Variants in SCAPER observed in about 807,000 individuals in gnomAD.
SCAPER encodes the protein S-phase cyclin A associated protein in the ER.
SCAPER carries 98 observed loss-of-function variants against 182.2 expected under a neutral mutation model. That is an observed-to-expected ratio of 0.54 (90% confidence interval 0.46 to 0.64). The LOEUF is 0.64. SCAPER is among the 30% of genes least tolerant of loss of function. The pLI, the probability that SCAPER is intolerant of heterozygous loss-of-function variation, is 0.00. For missense variants in SCAPER, 1,432 were observed against 1,690.0 expected (o/e 0.85, Z 2.68); for synonymous variants, 605 against 564.6 (o/e 1.07, Z -1.01).
chr15:76,832,344 G>T (rs986040876), intron 5 of SCAPER, among the ~76,000 whole-genome samples: 5 of 152,158 alleles, frequency 3.3e-5, no homozygotes, highest in African/African-American at 4.8e-5. Context: ...ACAATTGGAA[G>T]AATTAATAAG....
chr15:76,567,124 C>A (rs1461528316), intron 23 of SCAPER: 1 of 234,056 alleles, frequency 4.3e-6, no homozygotes, highest in African/African-American at 2.3e-5. Context: ...TTTTCTTGAA[C>A]TTTATATGAC....
chr15:76,629,682 T>C (rs1369287692), intron 21 of SCAPER, among the ~76,000 whole-genome samples: 1 of 152,210 alleles, frequency 6.6e-6, no homozygotes, highest in African/African-American at 2.4e-5. Context: ...TGAGAATCAT[T>C]GCATTGATGT....
At chr15:76,584,111 T>C (rs1254065249) in intron 22 of SCAPER, among the ~76,000 whole-genome samples, 2 of 152,188 alleles carry the variant, frequency 1.3e-5, no homozygotes, top group Non-Finnish European at 2.9e-5. Context: ...ATCTTGTCAT[T>C]TGCAACAACA....
chr15:76,698,226 TA>T (rs2058751362), intron 20 of SCAPER, among the ~76,000 whole-genome samples: 1 of 152,046 alleles, frequency 6.6e-6, no homozygotes, highest in African/African-American at 2.4e-5. Flanking sequence ...TAAAAGCACT[TA>T]GAATTTACGA....
rs575936413 is a variant in SCAPER, at chr15:76,672,812, T to C, written c.2509-7023A>G. 2.6e-5 allele frequency among the ~76,000 whole-genome samples: 4 copies of C among 152,172 alleles called. No individual in the cohort carries two copies. In the South Asian group the frequency reaches 8.3e-4, roughly 32 times the overall value. On this transcript the variant is annotated intron_variant, in intron 20 of 31. Coordinates refer to ENST00000563290, the MANE Select transcript of SCAPER (RefSeq NM_020843.4). ...AAAACTTTCAAGAATATAAAAAGAA[T>C]CGCTTCTCAGCCTTTTGGCTAAGAT...
At chr15:76,728,240 C>A (rs2151018778) in intron 17 of SCAPER, among the ~76,000 whole-genome samples, 1 of 150,800 alleles carries the variant, frequency 6.6e-6, no homozygotes, top group East Asian at 1.9e-4. Context: ...AAAAAATCCA[C>A]TGCTGTGACT....
chr15:76,864,079 C>G (rs2072084114), intron 2 of SCAPER, among the ~76,000 whole-genome samples: 2 of 152,184 alleles, frequency 1.3e-5, no homozygotes, highest in Non-Finnish European at 2.9e-5. Context: ...TCACAAAAAT[C>G]ACCCAGTCAA....
At chr15:76,647,338 T>C (rs1597905948) in intron 21 of SCAPER, among the ~76,000 whole-genome samples, 2 of 152,242 alleles carry the variant, frequency 1.3e-5, no homozygotes, top group East Asian at 1.9e-4. Context: ...TAGTATCATA[T>C]TGTCCTTTCT....
intron 24 of SCAPER, among the ~76,000 whole-genome samples, chr15:76,487,384 A>G (rs1020167197): frequency 6.6e-6 from 1 of 152,138 alleles, no homozygotes; most frequent in Non-Finnish European, 1.5e-5. Context: ...GGAGGAATGA[A>G]TATATGGAGC....
rs1166346329 is a variant in SCAPER, at chr15:76,594,344, C to T, written c.2712-20060G>A. Reference sequence around the variant, plus strand: ...GGAATATGTGAAAAGAACACAACTACGTTTGATTGGTGTGCCTGAAAGTGA... The same window carrying T: ...GGAATATGTGAAAAGAACACAACTATGTTTGATTGGTGTGCCTGAAAGTGA... On this transcript the variant is annotated intron_variant, in intron 22 of 31. Transcript: ENST00000563290. Among the ~76,000 whole-genome samples, 5 of 120,302 alleles carry T rather than the reference C, an allele frequency of 4.2e-5. 1 individual carries two copies. The East Asian group carries it at 1.1e-3, about 27-fold the overall frequency. The allele number at this position is 120,302 out of a possible 152,430, so 78.9% of individuals were successfully genotyped here.
intron 22 of SCAPER, among the ~76,000 whole-genome samples, chr15:76,610,901 A>G (rs1170477819): frequency 6.6e-6 from 1 of 152,242 alleles, no homozygotes; most frequent in East Asian, 1.9e-4. Flanking sequence ...GCATTTCTAC[A>G]GAAATACAAA....
rs1444938500 is a variant in SCAPER, at chr15:76,876,159, C to G, written c.6+7653G>C. Among the ~76,000 whole-genome samples the G allele has an allele frequency of 5.9e-5, 9 of 152,332 alleles. No homozygotes were observed. In the South Asian group the frequency reaches 1.7e-3, roughly 28 times the overall value. On this transcript the variant is annotated intron_variant, in intron 2 of 31. Coordinates refer to ENST00000563290, the MANE Select transcript of SCAPER (RefSeq NM_020843.4). The stretch of plus-strand genomic sequence containing the variant: ...TCAGGAACTCTAGCTGGCCCGCAAG[C>G]GCCACGCACAGCCCTGGTTCCCGCC...
At chr15:76,563,981 A>C (rs2046838965) in intron 23 of SCAPER, among the ~76,000 whole-genome samples, 1 of 152,144 alleles carries the variant, frequency 6.6e-6, no homozygotes, top group African/African-American at 2.4e-5. Context: ...CATGTTAAAA[A>C]CTCTCAATAA....
chr15:76,352,157 C>T (rs1194333511), intron 30 of SCAPER, among the ~76,000 whole-genome samples: 1 of 152,206 alleles, frequency 6.6e-6, no homozygotes, highest in East Asian at 1.9e-4. Flanking sequence ...TCTCTGCCCA[C>T]ATCATAAAAA....
At chr15:76,639,329 T>C (rs2053909755) in intron 21 of SCAPER, among the ~76,000 whole-genome samples, 1 of 152,206 alleles carries the variant, frequency 6.6e-6, no homozygotes, top group Non-Finnish European at 1.5e-5. Context: ...TCTACGATAT[T>C]ACTTATCAAA....
At chr15:76,529,588 A>T (rs1267718759) in intron 23 of SCAPER, among the ~76,000 whole-genome samples, 1 of 152,250 alleles carries the variant, frequency 6.6e-6, no homozygotes, top group Non-Finnish European at 1.5e-5. Flanking sequence ...TGGTAAGAGA[A>T]GGCCTTCTGA....
chr15:76,352,925 A>G (rs1373552046), intron 30 of SCAPER, among the ~76,000 whole-genome samples: 1 of 152,184 alleles, frequency 6.6e-6, no homozygotes, highest in Non-Finnish European at 1.5e-5. Context: ...TCCAGAAAAT[A>G]AAACGTAGAT....
intron 21 of SCAPER, among the ~76,000 whole-genome samples, chr15:76,632,768 CTTTTTTTTTTTT>C (rs1188058843): frequency 2.9e-5 from 3 of 104,524 alleles, no homozygotes; most frequent in South Asian, 6.2e-4. Context: ...AGGCTGCTGA[CTTTTTTTTTTTT>C]TTTTTTTTTT....
rs572084185 is a variant in SCAPER at position 76,512,139 on chromosome 15, C to T, written c.2839-7165G>A. On this transcript the variant is annotated intron_variant, in intron 23 of 31. Transcript: ENST00000563290. ...CTGACCTCAGGTGATCCACCCGCCT[C>T]GGCCTCCCAAAGTGCTGGGATTACA... Among the ~76,000 whole-genome samples, 37 of 151,972 alleles carry T rather than the reference C, an allele frequency of 2.4e-4. 1 individual carries two copies. In the South Asian group the frequency reaches 4.0e-3, roughly 16 times the overall value.
Sources: allele counts gnomAD v4.1 joint callset (sites outside exome capture counted in the v4.1 genomes callset), GRCh38; gene constraint gnomAD v4.1.1; transcripts MANE v1.5; gene names NCBI Gene and HGNC (gene_info 2026-07-23, HGNC 2026-07-21).